Variants in GPR139 observed in about 807,000 individuals in gnomAD.
The protein encoded by GPR139 is probable G protein-coupled receptor 139.
In GPR139, 12 loss-of-function variants were observed where a neutral mutation model predicts 25.8. That is an observed-to-expected ratio of 0.47 (90% CI 0.30 to 0.75). GPR139 has a LOEUF of 0.75. GPR139 is among the 30% of genes least tolerant of loss of function. The probability of loss-of-function intolerance (pLI) is 0.07; values close to 1 mark genes in which losing one functional copy is unlikely to be tolerated. For missense variants in GPR139, 380 were observed against 450.2 expected (o/e 0.84, Z 1.41); for synonymous variants, 184 against 179.9 (o/e 1.02, Z -0.18).
At chr16:20,042,549 T>C (rs1209179881) in intron 1 of GPR139, among the ~76,000 whole-genome samples, 1 of 152,178 alleles carries the variant, frequency 6.6e-6, no homozygotes, top group Non-Finnish European at 1.5e-5. Context: ...TTGGTCATTA[T>C]GTGTAGAATC....
Position 20,059,974 on chromosome 16 carries a change from G to C in GPR139, c.127+13516C>G, listed in dbSNP as rs151024766. ...AGGGAGGACACAAGGTGGAACCACG[G>C]TCTGTGAGGGTCAGGAGTGTGGGTC... On this transcript the variant is annotated intron_variant, in intron 1 of 1. Coordinates refer to ENST00000570682, the MANE Select transcript of GPR139 (RefSeq NM_001002911.4). 6.6e-3 allele frequency among the ~76,000 whole-genome samples: 1,005 copies of C among 152,258 alleles called. 12 individuals carry two copies. The highest frequency in any genetic ancestry group is 0.023 in the African/African-American group (954 of 41,538).
chr16:20,070,614 C>T (rs777674206), intron 1 of GPR139, among the ~76,000 whole-genome samples: 39 of 152,226 alleles, frequency 2.6e-4, no homozygotes, highest in Admixed American at 4.6e-4. Context: ...TCCTGTGATA[C>T]TAGCTCTGCT....
At chr16:20,050,399 A>C (rs1173045965) in intron 1 of GPR139, among the ~76,000 whole-genome samples, 1 of 152,110 alleles carries the variant, frequency 6.6e-6, no homozygotes, top group African/African-American at 2.4e-5. Context: ...CTTTGCAGGG[A>C]TGGGTGGGGC....
At chr16:20,042,473 C>T (rs2057339722) in intron 1 of GPR139, among the ~76,000 whole-genome samples, 1 of 152,132 alleles carries the variant, frequency 6.6e-6, no homozygotes, top group Admixed American at 6.5e-5. Flanking sequence ...ACCCTAAGCC[C>T]TCTAGTTGCA....
intron 1 of GPR139, among the ~76,000 whole-genome samples, chr16:20,057,898 C>T (rs187137882): frequency 7.9e-4 from 120 of 152,256 alleles, no homozygotes; most frequent in African/African-American, 2.6e-3. Context: ...CTAACTAGAG[C>T]GTGACTTCTT....
At chr16:20,054,554 G>C (rs2057382704) in intron 1 of GPR139, among the ~76,000 whole-genome samples, 4 of 151,980 alleles carry the variant, frequency 2.6e-5, no homozygotes, top group Admixed American at 2.6e-4. Flanking sequence ...ATATAGAATG[G>C]GAAGAAGATT....
At chr16:20,045,964 A>G (rs1308153233) in intron 1 of GPR139, among the ~76,000 whole-genome samples, 1 of 152,148 alleles carries the variant, frequency 6.6e-6, no homozygotes, top group Non-Finnish European at 1.5e-5. Context: ...ACCAACAGGA[A>G]ATCAGAGGCT....
chr16:20,030,685 C>G lies in GPR139; in HGVS notation c.*1050G>C, dbSNP rs1322360955. On this transcript the variant is annotated 3_prime_UTR_variant, in exon 2 of 2. Transcript: ENST00000570682. ...CTGCGTTTGTGGCGAAATGGCAGCG[C>G]CAGCTGGGCTGTGAGACAGAGCTGA... Among the ~76,000 whole-genome samples, 1 of 152,226 alleles carries G rather than the reference C, an allele frequency of 6.6e-6. No individual in the cohort carries two copies. Among genetic ancestry groups the G allele is most frequent in the Non-Finnish European group, 1.5e-5 (1 of 68,056 alleles).
In GPR139 at chr16:20,073,484, C is replaced by T. The variant is rs1454232791; in HGVS notation, c.127+6G>A. On this transcript the variant is annotated splice_donor_region_variant and intron_variant, in intron 1 of 1. Coordinates refer to ENST00000570682, the MANE Select transcript of GPR139 (RefSeq NM_001002911.4). This position sits in a 1 kb window ranked among gnomAD's most constrained non-coding sequence, Gnocchi z 4.7. Reference sequence around the variant, plus strand: ...GGCTTCCCTCCCTCTCCCCCACGCCCCTCACCTGGTAAACCGAGGCACAGC... The same window carrying T: ...GGCTTCCCTCCCTCTCCCCCACGCCTCTCACCTGGTAAACCGAGGCACAGC... 3 of 1,611,572 alleles carry T rather than the reference C, an allele frequency of 1.9e-6. No homozygotes were observed. In the Admixed American group the frequency reaches 5.0e-5, roughly 27 times the overall value.
At chr16:20,037,560 T>G (rs2057314487) in intron 1 of GPR139, among the ~76,000 whole-genome samples, 1 of 152,058 alleles carries the variant, frequency 6.6e-6, no homozygotes, top group Non-Finnish European at 1.5e-5. Context: ...GCAACAGCCT[T>G]GTGGTGGGAA....
Position 20,041,240 on chromosome 16 carries a change from GGAGAGGAGAGGGAAGGAGAAAAGAA to G in GPR139, c.128-8596_128-8572del, listed in dbSNP as rs2057333322. Among the ~76,000 whole-genome samples the G allele has an allele frequency of 1.6e-3, 10 of 6,222 alleles. 2 individuals carry two copies. Among genetic ancestry groups the G allele is most frequent in the Non-Finnish European group, 2.0e-3 (5 of 2,494 alleles). The allele number at this position is 6,222 out of a possible 152,430, so 4.1% of individuals were successfully genotyped here. ...GGAGAGGAGAGGAGAGGAGAGGAGAGGAGAGGAGAGGGAAGGAGAAAAGAAAAGCATCTCTCTCTGACAAAGTTGC... is the reference window on the plus strand; with the variant it reads ...GGAGAGGAGAGGAGAGGAGAGGAGAGAAGCATCTCTCTCTGACAAAGTTGC... On this transcript the variant is annotated intron_variant, in intron 1 of 1. Coordinates refer to ENST00000570682, the MANE Select transcript of GPR139 (RefSeq NM_001002911.4).
intron 1 of GPR139, among the ~76,000 whole-genome samples, chr16:20,057,930 G>A (rs558447365): frequency 1.3e-5 from 2 of 152,066 alleles, no homozygotes; most frequent in Non-Finnish European, 2.9e-5. Flanking sequence ...GCCATTTCAT[G>A]TGCATCTCTG....
At position 20,073,832 on chromosome 16, in the gene GPR139, G is replaced by T. The variant is rs2057472197; in HGVS notation, c.-216C>A. 1.8e-6 allele frequency: 1 copy of T among 564,412 alleles called. No individual in the cohort carries two copies. The highest frequency in any genetic ancestry group is 2.9e-6 in the Non-Finnish European group (1 of 350,320). 35.0% of individuals were successfully genotyped at this position (564,412 alleles called of 1,614,324 possible). A position where few individuals can be genotyped will look rare whatever the true frequency, so the allele number is the denominator to read the frequency against. ...GCTCAGCCCTCCCGCAGGGCGCGGG[G>T]CGCAGGGTGCGGGGCGCGCTGCGCG... On this transcript the variant is annotated 5_prime_UTR_variant, in exon 1 of 2. Coordinates refer to ENST00000570682, the MANE Select transcript of GPR139 (RefSeq NM_001002911.4). The surrounding 1 kb of genome is among the most constrained non-coding windows in gnomAD (Gnocchi z 4.7).
chr16:20,073,396 C>T lies in GPR139; in HGVS notation c.127+94G>A, dbSNP rs2057467709. 1 of 1,532,710 alleles carries T rather than the reference C, an allele frequency of 6.5e-7. No homozygotes were observed. The highest frequency in any genetic ancestry group is 1.4e-5 in the African/African-American group (1 of 72,410). 94.9% of individuals were successfully genotyped at this position (1,532,710 alleles called of 1,614,324 possible). On this transcript the variant is annotated intron_variant, in intron 1 of 1. Coordinates refer to ENST00000570682, the MANE Select transcript of GPR139 (RefSeq NM_001002911.4). This position sits in a 1 kb window ranked among gnomAD's most constrained non-coding sequence, Gnocchi z 4.7. ...AGCTTAAACTTTTTCCGAGGGGGCGCCAGGGAACGCACGGGGGAGGACGGG... is the reference window on the plus strand; with the variant it reads ...AGCTTAAACTTTTTCCGAGGGGGCGTCAGGGAACGCACGGGGGAGGACGGG...
At chr16:20,033,467 C>T (rs989939599) in intron 1 of GPR139, among the ~76,000 whole-genome samples, 2 of 152,122 alleles carry the variant, frequency 1.3e-5, no homozygotes, top group African/African-American at 4.8e-5. Flanking sequence ...CATGCTTTTT[C>T]TTTTGTTCAG....
At chr16:20,059,039 G>T (rs1386387984) in intron 1 of GPR139, among the ~76,000 whole-genome samples, 1 of 152,136 alleles carries the variant, frequency 6.6e-6, no homozygotes, top group Non-Finnish European at 1.5e-5. Flanking sequence ...GGCTGGGGTG[G>T]GAGGAGGATG....
At chr16:20,071,188 C>T (rs2057458419) in intron 1 of GPR139, among the ~76,000 whole-genome samples, 1 of 152,238 alleles carries the variant, frequency 6.6e-6, no homozygotes, top group African/African-American at 2.4e-5. Context: ...GGCACAGAGA[C>T]ATGAAAAGCT....
chr16:20,042,001 T>G (rs1312978551), intron 1 of GPR139, among the ~76,000 whole-genome samples: 1 of 152,160 alleles, frequency 6.6e-6, no homozygotes, highest in Non-Finnish European at 1.5e-5. Context: ...TAAGAACCTA[T>G]CCTAGTTGGG....
At chr16:20,068,350 G>T (rs1190877401) in intron 1 of GPR139, among the ~76,000 whole-genome samples, 1 of 151,888 alleles carries the variant, frequency 6.6e-6, no homozygotes, top group Non-Finnish European at 1.5e-5. Context: ...AATTCTTCTG[G>T]TGTTTTTAAG....
Sources: allele counts gnomAD v4.1 joint callset (sites outside exome capture counted in the v4.1 genomes callset), GRCh38; gene constraint gnomAD v4.1.1; non-coding constraint Gnocchi (gnomAD v3.1); transcripts MANE v1.5; gene names NCBI Gene and HGNC (gene_info 2026-07-23, HGNC 2026-07-21).